The following PCNX1 variants were observed in gnomAD, a reference collection of about 807,000 sequenced individuals.
PCNX1 encodes the protein pecanex 1, also known as pecanex-like protein 1.
Under a neutral mutation model 242.2 loss-of-function variants are expected in PCNX1, and 78 were observed. The ratio of observed to expected loss-of-function variants is 0.32; its 90% CI spans 0.27 to 0.39. PCNX1 has a LOEUF of 0.39. Ranked by LOEUF, PCNX1 falls within the 10% of genes least tolerant of loss-of-function variation. The pLI is 1.00. For missense variants in PCNX1, 2,581 were observed against 2,856.5 expected (o/e 0.90, Z 2.20); for synonymous variants, 1,024 against 1,032.9 (o/e 0.99, Z 0.17).
At chr14:70,976,563 C>T (rs1319119370) in intron 5 of PCNX1, among the ~76,000 whole-genome samples, 2 of 151,878 alleles carry the variant, frequency 1.3e-5, no homozygotes, top group East Asian at 1.9e-4. Flanking sequence ...TTAGTAGAGA[C>T]GGAGTTTCAC....
intron 16 of PCNX1, chr14:71,031,598 C>T: frequency 1.8e-6 from 1 of 553,816 alleles, no homozygotes; most frequent in Non-Finnish European, 3.3e-6. Context: ...TAATCCTGCA[C>T]AATAGACTTA....
chr14:71,102,321 T>A, intron 31 of PCNX1, 101 bp downstream of exon 31: 1 of 715,598 alleles, frequency 1.4e-6, no homozygotes, highest in Non-Finnish European at 2.4e-6. Context: ...GGGCCCAGGC[T>A]GGAATACAGT....
intron 30 of PCNX1, 23 bp from the exon 31 acceptor site, chr14:71,101,967 T>A (rs776067874): frequency 3.0e-5 from 40 of 1,331,854 alleles, no homozygotes; most frequent in Non-Finnish European, 4.1e-5. Context: ...CTTTAAAAAT[T>A]TATATATTAT....
intron 30 of PCNX1, among the ~76,000 whole-genome samples, chr14:71,095,942 G>A (rs2062264967): frequency 6.6e-6 from 1 of 152,146 alleles, no homozygotes; most frequent in Admixed American, 6.5e-5. Flanking sequence ...TTGGGAGGCC[G>A]AGGCAGGAGG....
intron 2 of PCNX1, among the ~76,000 whole-genome samples, chr14:70,948,250 A>T (rs150059571): frequency 6.6e-5 from 10 of 152,072 alleles, no homozygotes; most frequent in Admixed American, 5.9e-4. Flanking sequence ...TTTGAAATCC[A>T]TAATAAAAAC....
intron 12 of PCNX1, among the ~76,000 whole-genome samples, chr14:71,019,549 A>C (rs1305867202): frequency 6.6e-6 from 1 of 152,090 alleles, no homozygotes; most frequent in South Asian, 2.1e-4. Context: ...TTACAGGCGC[A>C]TGCCACCATG....
intron 32 of PCNX1, 97 bp from the exon 33 acceptor site, chr14:71,105,138 A>G (rs939559117): frequency 1.2e-6 from 1 of 847,218 alleles, no homozygotes; most frequent in Non-Finnish European, 1.9e-6. Context: ...GGTGAACATT[A>G]GTAGCATTTG....
Position 70,978,536 on chromosome 14 carries a change from G to A in PCNX1, c.2199G>A (p.Glu733=), listed in dbSNP as rs2058746353. Reference sequence around the variant, plus strand: ...CCAAAGAGGGAGAGGTGCTAGATGAGCTATCTTTATTAGGACGGGCTTCCC... The same window carrying A: ...CCAAAGAGGGAGAGGTGCTAGATGAACTATCTTTATTAGGACGGGCTTCCC... ...LEAKEGEVLD[E]LSLLGRASQL... Residue 733 remains glutamate (E), a synonymous_variant, in exon 6 of 36, where the codon GAG becomes GAA. Transcript: ENST00000304743. 6.2e-7 allele frequency: 1 copy of A among 1,614,010 alleles called. No homozygotes were observed. The highest frequency in any genetic ancestry group is 1.3e-5 in the African/African-American group (1 of 74,914).
chr14:71,087,539 A>T (rs1025991272), intron 28 of PCNX1, among the ~76,000 whole-genome samples: 1 of 152,196 alleles, frequency 6.6e-6, no homozygotes, highest in African/African-American at 2.4e-5. Context: ...CATGTATTAG[A>T]ATCACCTGGA....
intron 6 of PCNX1, among the ~76,000 whole-genome samples, chr14:70,986,637 G>T (rs887968868): frequency 3.9e-5 from 6 of 152,074 alleles, no homozygotes; most frequent in Admixed American, 3.9e-4. Flanking sequence ...GTATGATTAC[G>T]TACTGCTTTT....
chr14:71,102,464 CA>C (rs934285608), intron 31 of PCNX1, among the ~76,000 whole-genome samples: 15 of 151,982 alleles, frequency 9.9e-5, no homozygotes, highest in African/African-American at 3.6e-4. Flanking sequence ...CAGGGTTTTG[CA>C]ATGTTGCCCA....
Position 70,953,522 on chromosome 14 carries a change from T to C in PCNX1, c.362+6399T>C, listed in dbSNP as rs748845685. ...GCTATTCCTTTATTAGTTATGTATA[T>C]ATTACAGTCATCTCCCACTTGTGGC... On this transcript the variant is annotated intron_variant, in intron 2 of 35. Coordinates refer to ENST00000304743, the MANE Select transcript of PCNX1 (RefSeq NM_014982.3). Among the ~76,000 whole-genome samples the C allele has an allele frequency of 5.5e-4, 83 of 151,876 alleles. 1 individual carries two copies. The highest frequency in any genetic ancestry group is 2.0e-4 in the Admixed American group (3 of 15,260).
chr14:71,046,592 G>T (rs1230533226), intron 20 of PCNX1, among the ~76,000 whole-genome samples: 2 of 152,060 alleles, frequency 1.3e-5, no homozygotes, highest in Non-Finnish European at 2.9e-5. Flanking sequence ...TATTGGCAAT[G>T]AAAGCTGCTC....
intron 8 of PCNX1, among the ~76,000 whole-genome samples, chr14:71,003,080 C>CCTTTTTTTTTTTTTTTTTTTT (rs2059552444): frequency 7.3e-5 from 7 of 95,474 alleles, no homozygotes; most frequent in African/African-American, 3.3e-4. Context: ...TGGTTGTCTT[C>CCTTTTTTTTTTTTTTTTTTTT]TTTTTTTTTT....
chr14:70,937,382 A>T (rs1443834283), intron 1 of PCNX1, among the ~76,000 whole-genome samples: 2 of 152,182 alleles, frequency 1.3e-5, no homozygotes, highest in African/African-American at 2.4e-5. Context: ...ACCATTTATT[A>T]AATAGGGAAT....
rs114829605 is a variant in PCNX1, at chr14:70,984,081, T to C, written c.2312-4486T>C. 8.6e-3 allele frequency among the ~76,000 whole-genome samples: 1,304 copies of C among 151,566 alleles called. 32 individuals carry two copies. Among genetic ancestry groups the C allele is most frequent in the African/African-American group, 0.03 (1,256 of 41,500 alleles). On this transcript the variant is annotated intron_variant, in intron 6 of 35. Transcript: ENST00000304743. ...AGATGCCTTTTCTTTTTCTGAGATA[T>C]ATATATACTTGTTTCATACTTTTGT...
intron 1 of PCNX1, among the ~76,000 whole-genome samples, chr14:70,940,194 C>T (rs2057178801): frequency 6.6e-6 from 1 of 152,056 alleles, no homozygotes; most frequent in Non-Finnish European, 1.5e-5. Flanking sequence ...GGTTATTTTG[C>T]CCGTTAGTTG....
intron 11 of PCNX1, among the ~76,000 whole-genome samples, chr14:71,015,772 A>C (rs2059946833): frequency 6.6e-6 from 1 of 152,250 alleles, no homozygotes; most frequent in Non-Finnish European, 1.5e-5. Context: ...GAAAAAGATC[A>C]AAGAATAGAT....
chr14:70,933,766 A>G (rs1006556645), intron 1 of PCNX1, among the ~76,000 whole-genome samples: 3 of 152,236 alleles, frequency 2.0e-5, no homozygotes, highest in Non-Finnish European at 4.4e-5. Context: ...ATGAGTTAGT[A>G]TACTTAAAGT....
Sources: gnomAD v4.1 joint callset for allele counts (sites outside exome capture counted in the v4.1 genomes callset) on GRCh38, gnomAD v4.1.1 for gene constraint, MANE v1.5 for transcripts, NCBI Gene and HGNC (gene_info 2026-07-23, HGNC 2026-07-21) for gene names.